Variants in PIK3C2A observed in about 807,000 individuals in gnomAD.
PIK3C2A encodes the protein phosphatidylinositol-4-phosphate 3-kinase catalytic subunit type 2 alpha.
In PIK3C2A, 97 loss-of-function variants were observed where a neutral mutation model predicts 204.5. The observed-to-expected ratio is 0.47, with a 90% CI of 0.40 to 0.56. The LOEUF (loss-of-function observed/expected upper bound fraction) is 0.56, where lower values mean the gene tolerates loss of function less well. PIK3C2A is among the 20% of genes least tolerant of loss of function. The pLI is 0.00. For synonymous variants in PIK3C2A, 653 were observed against 664.4 expected (o/e 0.98, Z 0.26); for missense variants, 1,735 against 1,969.2 (o/e 0.88, Z 2.25).
intron 32 of PIK3C2A, among the ~76,000 whole-genome samples, chr11:17,090,993 C>T (rs1750909008): frequency 6.6e-6 from 1 of 151,684 alleles, no homozygotes; most frequent in African/African-American, 2.4e-5. Context: ...GGGATGTATC[C>T]ACCTCGGCCT....
chr11:17,133,571 C>T lies in PIK3C2A; in HGVS notation c.2108+1248G>A, dbSNP rs1849773776. ...TAGACTTTTTTATAGCATTAAGCTA[C>T]TATAAAACTATTTCACTAAAAATAT... is the stretch of plus-strand genomic sequence containing the variant. On this transcript the variant is annotated intron_variant, in intron 11 of 32. Transcript: ENST00000691414. 2.0e-5 allele frequency among the ~76,000 whole-genome samples: 3 copies of T among 152,106 alleles called. No individual in the cohort carries two copies. The South Asian group carries it at 6.2e-4, about 31-fold the overall frequency.
chr11:17,171,098 G>A (rs890586348), intron 1 of PIK3C2A, among the ~76,000 whole-genome samples: 3 of 151,812 alleles, frequency 2.0e-5, no homozygotes, highest in Non-Finnish European at 4.4e-5. Context: ...GAGAGACTCC[G>A]TCTCAAAAAA....
At chr11:17,134,765 C>G in intron 11 of PIK3C2A, 54 bp downstream of exon 11, 2 of 1,349,804 alleles carry the variant, frequency 1.5e-6, no homozygotes, top group Admixed American at 3.4e-5. Flanking sequence ...CCTCACAAAG[C>G]CTTGGGATTA....
chr11:17,200,094 G>A (rs999896512), intron 1 of PIK3C2A, among the ~76,000 whole-genome samples: 1 of 151,532 alleles, frequency 6.6e-6, no homozygotes, highest in Non-Finnish European at 1.5e-5. Flanking sequence ...GATGAGGCAC[G>A]AGAATCGCTT....
intron 1 of PIK3C2A, among the ~76,000 whole-genome samples, chr11:17,170,105 A>G (rs1851110676): frequency 6.6e-6 from 1 of 152,200 alleles, no homozygotes; most frequent in Admixed American, 6.5e-5. Context: ...GCTGCCATTA[A>G]CCAGTGGTAC....
rs561379239 is a variant in PIK3C2A at position 17,117,802 on chromosome 11, C to T, written c.3036-131G>A. 104 of 537,066 alleles carry T rather than the reference C, an allele frequency of 1.9e-4. 1 individual carries two copies. The highest frequency in any genetic ancestry group is 1.8e-3 in the African/African-American group (92 of 51,788). The allele number at this position is 537,066 out of a possible 1,614,324, so 33.3% of individuals were successfully genotyped here. A position where few individuals can be genotyped will look rare whatever the true frequency, so the allele number is the denominator to read the frequency against. ...CATCTCGGCTCACTGCAAGCTCTGCCTCCCGGGTTCACGCCATTCTCCTGC... is the reference window on the plus strand; with the variant it reads ...CATCTCGGCTCACTGCAAGCTCTGCTTCCCGGGTTCACGCCATTCTCCTGC... On this transcript the variant is annotated intron_variant, in intron 18 of 32. Transcript: ENST00000691414.
chr11:17,181,641 TATATATATATATATATATAC>T (rs1851564812), intron 1 of PIK3C2A, among the ~76,000 whole-genome samples: 1 of 5,000 alleles, frequency 2.0e-4, no homozygotes, highest in South Asian at 6.5e-3. Flanking sequence ...TATATATATA[TATATATATATATATATATAC>T]ACACACACAC....
At chr11:17,113,161 G>A (rs1016778758) in intron 20 of PIK3C2A, among the ~76,000 whole-genome samples, 19 of 151,978 alleles carry the variant, frequency 1.3e-4, no homozygotes, top group African/African-American at 3.9e-4. Context: ...ACAGGCACCC[G>A]CCACCACACC....
At chr11:17,121,340 C>T (rs1056757833) in intron 15 of PIK3C2A, among the ~76,000 whole-genome samples, 5 of 152,114 alleles carry the variant, frequency 3.3e-5, no homozygotes, top group Admixed American at 6.5e-5. Flanking sequence ...TGGTCTCCAA[C>T]TCCTGGGCTC....
At chr11:17,156,971 C>T (rs1306557800) in intron 2 of PIK3C2A, among the ~76,000 whole-genome samples, 1 of 152,098 alleles carries the variant, frequency 6.6e-6, no homozygotes, top group Non-Finnish European at 1.5e-5. Flanking sequence ...GAAGCCCCAT[C>T]TCTAAAAATA....
intron 2 of PIK3C2A, among the ~76,000 whole-genome samples, chr11:17,166,969 C>A (rs214938): frequency 7.2e-5 from 11 of 151,880 alleles, no homozygotes; most frequent in East Asian, 1.9e-4. Flanking sequence ...TGCCTTCCCC[C>A]CAACTGCCCC....
intron 25 of PIK3C2A, among the ~76,000 whole-genome samples, chr11:17,100,355 A>G (rs1192582590): frequency 2.7e-5 from 4 of 150,718 alleles, no homozygotes; most frequent in African/African-American, 7.3e-5. Flanking sequence ...TTGGGATTAC[A>G]GATACGTACC....
intron 1 of PIK3C2A, among the ~76,000 whole-genome samples, chr11:17,201,746 T>C (rs892360978): frequency 2.6e-5 from 4 of 152,176 alleles, no homozygotes; most frequent in African/African-American, 9.6e-5. Flanking sequence ...CTATTTTCCA[T>C]TTGACTATAT....
chr11:17,187,403 T>C (rs923797981), intron 1 of PIK3C2A, among the ~76,000 whole-genome samples: 4 of 152,150 alleles, frequency 2.6e-5, no homozygotes, highest in Non-Finnish European at 5.9e-5. Context: ...ACTCACTTAA[T>C]ATGAAATTTA....
chr11:17,193,995 G>C (rs1591022160), intron 1 of PIK3C2A: 2 of 366,080 alleles, frequency 5.5e-6, no homozygotes, highest in East Asian at 9.6e-5. Context: ...TTGCCAAGAA[G>C]CAAAACAAGA....
Position 17,168,364 on chromosome 11 carries a change from G to A in PIK3C2A, c.1065+313C>T, listed in dbSNP as rs777445441. On this transcript the variant is annotated intron_variant, in intron 2 of 32. Transcript: ENST00000691414. Reference sequence around the variant, plus strand: ...TGGGAGGCTGAGACGGGTGGATCACGAGGTCAGGAGATCGAGACCATTCTT... The same window carrying A: ...TGGGAGGCTGAGACGGGTGGATCACAAGGTCAGGAGATCGAGACCATTCTT... 1.1e-4 allele frequency among the ~76,000 whole-genome samples: 17 copies of A among 152,184 alleles called. No homozygotes were observed. The South Asian group carries it at 1.5e-3, about 13-fold the overall frequency.
At chr11:17,161,994 A>G (rs1850789714) in intron 2 of PIK3C2A, among the ~76,000 whole-genome samples, 1 of 152,160 alleles carries the variant, frequency 6.6e-6, no homozygotes, top group Non-Finnish European at 1.5e-5. Context: ...TACACAAACA[A>G]AATGAAATCT....
intron 21 of PIK3C2A, among the ~76,000 whole-genome samples, chr11:17,111,222 T>A (rs1848991469): frequency 6.6e-6 from 1 of 152,166 alleles, no homozygotes; most frequent in Non-Finnish European, 1.5e-5. Flanking sequence ...TTCAATTTTC[T>A]AAAAAGGCAA....
At chr11:17,167,441 G>A (rs1851003088) in intron 2 of PIK3C2A, among the ~76,000 whole-genome samples, 1 of 152,074 alleles carries the variant, frequency 6.6e-6, no homozygotes, top group Non-Finnish European at 1.5e-5. Context: ...TGACTAACAT[G>A]GAGAAACCCG....
Sources: allele counts gnomAD v4.1 joint callset (sites outside exome capture counted in the v4.1 genomes callset), GRCh38; gene constraint gnomAD v4.1.1; transcripts MANE v1.5; gene names NCBI Gene and HGNC (gene_info 2026-07-23, HGNC 2026-07-21).